SMAD5: variants seen among roughly 807,000 people sequenced by gnomAD.
SMAD5 encodes MAD, mothers against decapentaplegic homolog 5.
SMAD5 carries 9 observed loss-of-function variants against 43.1 expected under a neutral mutation model. That is an observed-to-expected ratio of 0.21 (90% confidence interval 0.13 to 0.36). The LOEUF is 0.36. SMAD5 is among the 10% of genes least tolerant of loss of function. The pLI, the probability that SMAD5 is intolerant of heterozygous loss-of-function variation, is 1.00. For missense variants in SMAD5, 348 were observed against 574.0 expected (o/e 0.61, Z 4.02); for synonymous variants, 190 against 192.4 (o/e 0.99, Z 0.10).
intron 1 of SMAD5, among the ~76,000 whole-genome samples, chr5:136,146,477 T>G (rs1753259975): frequency 6.6e-6 from 1 of 151,786 alleles, no homozygotes; most frequent in Non-Finnish European, 1.5e-5. Context: ...CATGAAAAAT[T>G]GAATCAACTT....
chr5:136,134,220 G>C (rs960297929), intron 1 of SMAD5: 1 of 152,606 alleles, frequency 6.6e-6, no homozygotes, highest in Admixed American at 6.5e-5. Context: ...TAGCAGCAAA[G>C]ATTGAATAGG....
chr5:136,159,044 A>T (rs1753741279), intron 3 of SMAD5, among the ~76,000 whole-genome samples: 1 of 152,256 alleles, frequency 6.6e-6, no homozygotes, highest in African/African-American at 2.4e-5. Flanking sequence ...TTAAAATTAA[A>T]CAAATGAAGA....
At chr5:136,177,249 A>G in intron 7 of SMAD5, 88 bp from the exon 8 acceptor site, 1 of 1,141,336 alleles carries the variant, frequency 8.8e-7, no homozygotes, top group Non-Finnish European at 1.3e-6. Flanking sequence ...TCTACTGTTA[A>G]AAGCTATCTT....
At chr5:136,134,004 G>A (rs1195489180) in intron 1 of SMAD5, 2 of 120,712 alleles carry the variant, frequency 1.7e-5, no homozygotes, top group Non-Finnish European at 3.2e-5. Flanking sequence ...TATCTTGATT[G>A]TAAAGACAAT....
At chr5:136,151,198 A>G (rs563660398) in intron 2 of SMAD5, among the ~76,000 whole-genome samples, 2 of 152,202 alleles carry the variant, frequency 1.3e-5, no homozygotes, top group Admixed American at 6.6e-5. Flanking sequence ...AGACGAGACT[A>G]CCTGCATACT....
Position 136,161,047 on chromosome 5 carries a change from A to G in SMAD5, c.595A>G (p.Ser199Gly). Residue 199 changes from serine (S) to glycine (G), a missense_variant, in exon 4 of 8, where the codon AGC becomes GGC. Transcript: ENST00000545279. ...PNSPYPPSPASSTYPNSPASS... is the reference protein window; with the variant it reads ...PNSPYPPSPAGSTYPNSPASS... ...CAGCCCTTATCCCCCTTCTCCTGCTAGCAGCACATATCCCAACTCCCCAGC... is the reference window on the plus strand; with the variant it reads ...CAGCCCTTATCCCCCTTCTCCTGCTGGCAGCACATATCCCAACTCCCCAGC... 1 of 1,613,840 alleles carries G rather than the reference A, an allele frequency of 6.2e-7. No homozygotes were observed. Among genetic ancestry groups the G allele is most frequent in the Non-Finnish European group, 8.5e-7 (1 of 1,179,822 alleles).
At chr5:136,167,799 A>C (rs916019244) in intron 5 of SMAD5, among the ~76,000 whole-genome samples, 1 of 151,600 alleles carries the variant, frequency 6.6e-6, no homozygotes, top group Non-Finnish European at 1.5e-5. Context: ...AAAAAAAGTT[A>C]ACCAATTATT....
At chr5:136,147,092 T>C (rs1021637527) in intron 1 of SMAD5, among the ~76,000 whole-genome samples, 1 of 151,724 alleles carries the variant, frequency 6.6e-6, no homozygotes, top group Non-Finnish European at 1.5e-5. Context: ...AGGAAAAATA[T>C]TTTTTAAAAA....
intron 5 of SMAD5, among the ~76,000 whole-genome samples, chr5:136,170,559 T>C (rs1430800879): frequency 6.6e-6 from 1 of 152,156 alleles, no homozygotes; most frequent in Non-Finnish European, 1.5e-5. Context: ...GTGTTGGCTA[T>C]TTTGAGGCTT....
chr5:136,158,898 C>CAA lies in SMAD5; in HGVS notation c.404-1948_404-1947dup, dbSNP rs112709281. On this transcript the variant is annotated intron_variant, in intron 3 of 7. Coordinates refer to ENST00000545279, the MANE Select transcript of SMAD5 (RefSeq NM_005903.7). Reference sequence around the variant, plus strand: ...TGGGCGACAGAGCGAGACTCCATCTCAAAAAAAAAAAGATGGAAGATCCAA... The same window carrying CAA: ...TGGGCGACAGAGCGAGACTCCATCTCAAAAAAAAAAAAAGATGGAAGATCCAA... 9.6e-4 allele frequency among the ~76,000 whole-genome samples: 138 copies of CAA among 143,736 alleles called. 2 individuals are homozygous for CAA. The highest frequency in any genetic ancestry group is 3.7e-3 in the Admixed American group (54 of 14,422). 94.3% of individuals were successfully genotyped at this position (143,736 alleles called of 152,430 possible).
At position 136,147,866 on chromosome 5, in the gene SMAD5, G is replaced by A. The variant is rs553846777; in HGVS notation, c.-210G>A. 5 of 151,532 alleles carry A rather than the reference G, an allele frequency of 3.3e-5. No homozygotes were observed. In the East Asian group the frequency reaches 9.7e-4, roughly 29 times the overall value. The allele number at this position is 151,532 out of a possible 1,614,324, so 9.4% of individuals were successfully genotyped here. A position where few individuals can be genotyped will look rare whatever the true frequency, so the allele number is the denominator to read the frequency against. On this transcript the variant is annotated 5_prime_UTR_variant, in exon 2 of 8. Transcript: ENST00000545279. ...TGTTGAAGTTATTGAAGTACCTGTT[G>A]CTATATTCTAAGAAATTAAAATGTC...
chr5:136,135,864 C>G (rs549473720), intron 1 of SMAD5, among the ~76,000 whole-genome samples: 1 of 152,298 alleles, frequency 6.6e-6, no homozygotes, highest in Non-Finnish European at 1.5e-5. Context: ...CTGTCTGTCT[C>G]TCTGTCTCTC....
At chr5:136,173,952 T>TA (rs1375843684) in intron 6 of SMAD5, among the ~76,000 whole-genome samples, 6 of 152,054 alleles carry the variant, frequency 3.9e-5, no homozygotes, top group Non-Finnish European at 8.8e-5. Flanking sequence ...GGTTTTTTTT[T>TA]AGTGTTGCTG....
Position 136,174,597 on chromosome 5 carries a change from A to G in SMAD5, c.1219A>G (p.Thr407Ala), listed in dbSNP as rs1754342569. The change falls in exon 7 of 8, where the codon ACC (threonine) becomes GCC (alanine). Residue 407 changes from threonine (T) to alanine (A), a missense_variant. Physicochemically the swap from Thr to Ala is moderately conservative, Grantham distance 58. Coordinates refer to ENST00000545279, the MANE Select transcript of SMAD5 (RefSeq NM_005903.7). ...NHGFEAVYEL[T>A]KMCTIRMSFV... ...TGGGTTTGAGGCAGTATATGAGCTC[A>G]CCAAAATGTGTACCATTCGGATGAG... 1 of 1,613,208 alleles carries G rather than the reference A, an allele frequency of 6.2e-7. No homozygotes were observed. Among genetic ancestry groups the G allele is most frequent in the Non-Finnish European group, 8.5e-7 (1 of 1,179,190 alleles).
chr5:136,169,593 G>A (rs775238201), intron 5 of SMAD5, among the ~76,000 whole-genome samples: 4 of 152,188 alleles, frequency 2.6e-5, no homozygotes, highest in Non-Finnish European at 5.9e-5. Context: ...AAACATTCAT[G>A]TGCAGATTTT....
chr5:136,155,917 C>T (rs532091168), intron 3 of SMAD5, among the ~76,000 whole-genome samples: 4 of 152,284 alleles, frequency 2.6e-5, no homozygotes, highest in African/African-American at 9.6e-5. Context: ...AGCTGAGCTG[C>T]TAGCTGAGTG....
At chr5:136,168,741 C>T (rs541982167) in intron 5 of SMAD5, among the ~76,000 whole-genome samples, 1 of 152,366 alleles carries the variant, frequency 6.6e-6, no homozygotes, top group East Asian at 1.9e-4. Context: ...CCCACAACCC[C>T]TTGCAACCAC....
At chr5:136,138,070 C>G (rs751485206) in intron 1 of SMAD5, among the ~76,000 whole-genome samples, 2 of 152,182 alleles carry the variant, frequency 1.3e-5, no homozygotes, top group African/African-American at 2.4e-5. Flanking sequence ...TCAAACACAT[C>G]TGGTAGCAAT....
chr5:136,160,785 C>T, intron 3 of SMAD5, 71 bp from the exon 4 acceptor site: 1 of 1,483,914 alleles, frequency 6.7e-7, no homozygotes, highest in Non-Finnish European at 9.3e-7. Context: ...TCCTTTCTAC[C>T]AACCCCTTAG....
Sources: gnomAD v4.1 joint callset for allele counts (sites outside exome capture counted in the v4.1 genomes callset) on GRCh38, gnomAD v4.1.1 for gene constraint, MANE v1.5 for transcripts, NCBI Gene and HGNC (gene_info 2026-07-23, HGNC 2026-07-21) for gene names.